NR2C1: variants seen among roughly 807,000 people sequenced by gnomAD.
NR2C1 encodes nuclear receptor subfamily 2 group C member 1.
Under a neutral mutation model 74.8 loss-of-function variants are expected in NR2C1, and 33 were observed. The ratio of observed to expected loss-of-function variants is 0.44; its 90% CI spans 0.33 to 0.59. The LOEUF (loss-of-function observed/expected upper bound fraction) is 0.59. Ranked by LOEUF, NR2C1 falls within the 20% of genes least tolerant of loss-of-function variation. The pLI is 0.02. For missense variants in NR2C1, 568 were observed against 715.6 expected (o/e 0.79, Z 2.35); for synonymous variants, 225 against 240.6 (o/e 0.94, Z 0.60).
chr12:95,068,796 T>TA (rs540601210), intron 1 of NR2C1, among the ~76,000 whole-genome samples: 3,023 of 128,872 alleles, frequency 0.023, 53 homozygotes, highest in Non-Finnish European at 0.033. Context: ...TTCTGTCTCA[T>TA]AAAAAAAAAA....
chr12:95,024,151 A>G (rs1205798260), intron 13 of NR2C1, among the ~76,000 whole-genome samples: 1 of 152,220 alleles, frequency 6.6e-6, no homozygotes, highest in Non-Finnish European at 1.5e-5. Context: ...ATTATTTAAT[A>G]TATGTAAAAA....
intron 7 of NR2C1, among the ~76,000 whole-genome samples, chr12:95,056,327 GAT>G (rs1873865347): frequency 6.6e-6 from 1 of 152,066 alleles, no homozygotes; most frequent in Admixed American, 6.5e-5. Context: ...TCTGTTTTCA[GAT>G]ATGAGTTTTC....
rs201891858 is a variant in NR2C1 at position 95,022,424 on chromosome 12, G to C, written c.1638-21C>G. ...ATAACCTAAAAAAAGAAAGAAAAAA[G>C]GGAGAGGAACAAGGTTGTAAACCAG... On this transcript the variant is annotated intron_variant, in intron 13 of 13. Coordinates refer to ENST00000333003, the MANE Select transcript of NR2C1 (RefSeq NM_003297.4). 8.4e-5 allele frequency: 134 copies of C among 1,585,804 alleles called. 1 individual carries two copies. The African/African-American group carries it at 1.7e-3, about 20-fold the overall frequency.
Position 95,049,221 on chromosome 12 carries a change from A to C in NR2C1, c.978T>G (p.Thr326=). 6.2e-7 allele frequency: 1 copy of C among 1,613,850 alleles called. No homozygotes were observed. The highest frequency in any genetic ancestry group is 1.3e-5 in the African/African-American group (1 of 75,024). The stretch of plus-strand genomic sequence containing the variant: ...CTCCAGGATTCAATGCTTTTGCAAG[A>C]GTGTCAAATGCCCTGTATGAAGACA... ...TNGDVSRAFD[T]LAKALNPGES... The change falls in exon 9 of 14, where the codon ACT becomes ACG. Residue 326 remains threonine (T), a synonymous_variant. Transcript: ENST00000333003.
chr12:95,032,228 GT>G (rs1195578693), intron 10 of NR2C1, among the ~76,000 whole-genome samples: 2 of 152,202 alleles, frequency 1.3e-5, no homozygotes, highest in Non-Finnish European at 2.9e-5. Context: ...TTCATTGTAT[GT>G]TTCAGAGGAG....
chr12:95,049,379 C>T (rs939833758), intron 8 of NR2C1, 146 bp from the exon 9 acceptor site: 3 of 660,342 alleles, frequency 4.5e-6, no homozygotes, highest in African/African-American at 3.6e-5. Context: ...CTCAGCCTTC[C>T]AAAGTGCTGG....
Position 95,051,842 on chromosome 12 carries a change from C to T in NR2C1, c.885G>A (p.Met295Ile). 6.2e-7 allele frequency: 1 copy of T among 1,611,554 alleles called. No homozygotes were observed. Among genetic ancestry groups the T allele is most frequent in the Non-Finnish European group, 8.5e-7 (1 of 1,179,356 alleles). Residue 295 changes from methionine to isoleucine, a missense_variant, in exon 8 of 14, where the codon ATG becomes ATA. Met to Ile is a conservative substitution (Grantham distance 10, BLOSUM62 1). This residue lies in a region of NR2C1 where 239 missense variants were observed against 232.3 expected (regional missense o/e 1.03). Transcript: ENST00000333003. ...TKDLSQNSNE[M>I]SMIESLSNDD... The stretch of plus-strand genomic sequence containing the variant: ...CATTGCTTAAGCTTTCAATCATAGA[C>T]ATTTCATTACTATTTTGAGAAAGAT...
At position 95,052,764 on chromosome 12, in the gene NR2C1, TGAA is replaced by T. The variant is rs796754397; in HGVS notation, c.784-824_784-822del. 8.5e-5 allele frequency among the ~76,000 whole-genome samples: 13 copies of T among 152,270 alleles called. 1 individual carries two copies. The highest frequency in any genetic ancestry group is 2.9e-4 in the African/African-American group (12 of 41,556). ...ACAAACTATAAACTTGTATGGAATA[TGAA>T]GAATACTAGTGAAGAGCGGGGGAAA... is the stretch of plus-strand genomic sequence containing the variant. On this transcript the variant is annotated intron_variant, in intron 7 of 13. Coordinates refer to ENST00000333003, the MANE Select transcript of NR2C1 (RefSeq NM_003297.4).
intron 9 of NR2C1, among the ~76,000 whole-genome samples, chr12:95,046,324 A>G (rs1254882874): frequency 6.6e-6 from 1 of 152,204 alleles, no homozygotes; most frequent in Non-Finnish European, 1.5e-5. Context: ...GGTGGGTTAC[A>G]CTTGTAATCC....
chr12:95,070,468 T>G (rs1363091135), intron 1 of NR2C1, among the ~76,000 whole-genome samples: 1 of 152,172 alleles, frequency 6.6e-6, no homozygotes, highest in East Asian at 1.9e-4. Context: ...GGTGGAAGGT[T>G]AGACTGTTTT....
Position 95,021,485 on chromosome 12 carries a change from AAAAC to A in NR2C1, c.*740_*743del, listed in dbSNP as rs1368824682. 1 of 152,060 alleles carries A rather than the reference AAAAC, an allele frequency of 6.6e-6. No homozygotes were observed. Among genetic ancestry groups the A allele is most frequent in the African/African-American group, 2.4e-5 (1 of 41,424 alleles). The allele number at this position is 152,060 out of a possible 1,614,324, so 9.4% of individuals were successfully genotyped here. ...ACAGTGAAACCCACCTCTATAAACG[AAAAC>A]AAAAACAAAAACACGAGCAGTAAGC... On this transcript the variant is annotated 3_prime_UTR_variant, in exon 14 of 14. Coordinates refer to ENST00000333003, the MANE Select transcript of NR2C1 (RefSeq NM_003297.4).
At chr12:95,065,474 ATTTAT>A (rs987569252) in intron 2 of NR2C1, among the ~76,000 whole-genome samples, 3 of 152,094 alleles carry the variant, frequency 2.0e-5, no homozygotes, top group African/African-American at 7.2e-5. Context: ...ATTTTTTTAA[ATTTAT>A]TTTTAATTTT....
Position 95,031,417 on chromosome 12 carries a change from C to T in NR2C1, c.1325G>A (p.Trp442Ter). 6.2e-7 allele frequency: 1 copy of T among 1,608,658 alleles called. No individual in the cohort carries two copies. Among genetic ancestry groups the T allele is most frequent in the South Asian group, 1.1e-5 (1 of 90,094 alleles). The change falls in exon 11 of 14, where the codon TGG becomes TAG. Residue 442 changes from tryptophan (W) to a stop codon, truncating the protein, a stop_gained. Coordinates refer to ENST00000333003, the MANE Select transcript of NR2C1 (RefSeq NM_003297.4). LOFTEE classifies it high-confidence loss of function. ...TATAGTTGCTACATTCATCACTTGC[C>T]AGCACTGGGCAAGACCAAGAGTAAA... The part of the protein sequence containing the change: ...ELFTLGLAQC[W>*]QVMNVATILA...
intron 9 of NR2C1, among the ~76,000 whole-genome samples, chr12:95,041,377 G>T (rs1241205194): frequency 1.3e-5 from 2 of 152,088 alleles, no homozygotes; most frequent in Non-Finnish European, 2.9e-5. Flanking sequence ...AGCTACCCGG[G>T]AGGCTGAGGC....
chr12:95,034,645 AT>A, intron 10 of NR2C1, among the ~76,000 whole-genome samples: 1 of 152,332 alleles, frequency 6.6e-6, no homozygotes, highest in African/African-American at 2.4e-5. Flanking sequence ...TGTACCACAT[AT>A]ACAATGGTGG....
In NR2C1 at chr12:95,049,130, A is replaced by T; in HGVS notation, c.1069T>A (p.Ser357Thr). The change falls in exon 9 of 14, where the codon TCA becomes ACA. Residue 357 changes from serine (S) to threonine (T), a missense_variant. This residue lies in a region of NR2C1 where 239 missense variants were observed against 232.3 expected (regional missense o/e 1.03). Transcript: ENST00000333003. ...TCTTTTTCGGTGTAATTTATGCTTG[A>T]ATCTCCAGTGATTAGGTGTACACTT... ...EGSVHLITGD[S>T]SINYTEKEGP... 1 of 1,614,066 alleles carries T rather than the reference A, an allele frequency of 6.2e-7. No homozygotes were observed. The highest frequency in any genetic ancestry group is 8.5e-7 in the Non-Finnish European group (1 of 1,179,950).
chr12:95,059,820 G>A (rs61938163), intron 4 of NR2C1, 86 bp downstream of exon 4: 4 of 859,954 alleles, frequency 4.7e-6, no homozygotes, highest in Non-Finnish European at 7.1e-6. Context: ...GAAGAAACAT[G>A]GTAGTGTGGT....
chr12:95,035,833 T>C (rs1457022378), intron 10 of NR2C1, among the ~76,000 whole-genome samples: 4 of 152,244 alleles, frequency 2.6e-5, no homozygotes, highest in Non-Finnish European at 5.9e-5. Context: ...AAGAATGACC[T>C]TTTATTATCT....
At chr12:95,053,362 C>T (rs1375083181) in intron 7 of NR2C1, among the ~76,000 whole-genome samples, 5 of 152,156 alleles carry the variant, frequency 3.3e-5, no homozygotes, top group East Asian at 3.9e-4. Flanking sequence ...TTTCTCTCAA[C>T]TCTTTTGACA....
Sources: allele counts gnomAD v4.1 joint callset (sites outside exome capture counted in the v4.1 genomes callset), GRCh38; gene constraint gnomAD v4.1.1; regional missense constraint gnomAD v4.1.1; transcripts MANE v1.5; gene names NCBI Gene and HGNC (gene_info 2026-07-23, HGNC 2026-07-21).